Variants in LPP observed in about 807,000 individuals in gnomAD.
The protein encoded by LPP is LIM domain containing preferred translocation partner in lipoma.
Under a neutral mutation model 60.4 loss-of-function variants are expected in LPP, and 38 were observed. That is an observed-to-expected ratio of 0.63 (90% CI 0.49 to 0.83). The LOEUF is 0.83. Among genes scored for constraint, LPP ranks in the 40% least tolerant of loss-of-function variants. The pLI, the probability that LPP is intolerant of heterozygous loss-of-function variation, is 0.00. For synonymous variants in LPP, 328 were observed against 290.8 expected (o/e 1.13, Z -1.30); for missense variants, 902 against 783.6 (o/e 1.15, Z -1.80).
chr3:188,442,042 T>C (rs1232629819), intron 4 of LPP, among the ~76,000 whole-genome samples: 1 of 152,222 alleles, frequency 6.6e-6, no homozygotes. Flanking sequence ...GCCTAATGGC[T>C]GGTGGGCACT....
intron 5 of LPP, among the ~76,000 whole-genome samples, chr3:188,516,226 C>T (rs1817322683): frequency 6.6e-6 from 1 of 152,112 alleles, no homozygotes; most frequent in African/African-American, 2.4e-5. Flanking sequence ...AAAGAGGATA[C>T]ACATCCCAAT....
At chr3:188,447,644 G>A (rs1795564759) in intron 4 of LPP, among the ~76,000 whole-genome samples, 1 of 151,092 alleles carries the variant, frequency 6.6e-6, no homozygotes, top group Non-Finnish European at 1.5e-5. Flanking sequence ...AACCTGTCAT[G>A]GTGGCATGTA....
chr3:188,707,404 T>C (rs1865693580), intron 7 of LPP, among the ~76,000 whole-genome samples: 1 of 152,118 alleles, frequency 6.6e-6, no homozygotes, highest in Non-Finnish European at 1.5e-5. Context: ...CCTGCCCCCC[T>C]GCCCAACCTG....
chr3:188,742,536 A>C (rs1724814319), intron 8 of LPP, among the ~76,000 whole-genome samples: 1 of 152,122 alleles, frequency 6.6e-6, no homozygotes, highest in Non-Finnish European at 1.5e-5. Context: ...AAGGAACCAG[A>C]GCTACCTCCA....
intron 5 of LPP, among the ~76,000 whole-genome samples, chr3:188,508,016 C>G (rs1307028666): frequency 6.6e-6 from 1 of 152,106 alleles, no homozygotes; most frequent in Non-Finnish European, 1.5e-5. Flanking sequence ...ATGATTTGAT[C>G]TGTATTTAGA....
At chr3:188,825,002 A>G (rs943027674) in intron 9 of LPP, among the ~76,000 whole-genome samples, 1 of 152,172 alleles carries the variant, frequency 6.6e-6, no homozygotes, top group African/African-American at 2.4e-5. Flanking sequence ...CGTGACCAAG[A>G]GCAGCTGCAT....
At chr3:188,228,190 A>G (rs1227906785) in intron 2 of LPP, among the ~76,000 whole-genome samples, 4 of 152,196 alleles carry the variant, frequency 2.6e-5, no homozygotes, top group Admixed American at 1.3e-4. Context: ...TGTTACGGGA[A>G]TGAGACCATG....
At chr3:188,785,547 T>TATATATATATACACACACACACACAC (rs1206082559) in intron 9 of LPP, among the ~76,000 whole-genome samples, 3 of 43,838 alleles carry the variant, frequency 6.8e-5, no homozygotes, top group Non-Finnish European at 1.2e-4. Flanking sequence ...TATATATATA[T>TATATATATATACACACACACACACAC]ACACACACAC....
intron 4 of LPP, among the ~76,000 whole-genome samples, chr3:188,468,166 C>A (rs574171685): frequency 1.6e-4 from 24 of 152,106 alleles, no homozygotes; most frequent in Non-Finnish European, 1.9e-4. Flanking sequence ...ATATGCCTGG[C>A]ACTGCCCTGG....
chr3:188,280,420 C>A (rs1256479288), intron 2 of LPP, among the ~76,000 whole-genome samples: 1 of 152,086 alleles, frequency 6.6e-6, no homozygotes, highest in African/African-American at 2.4e-5. Flanking sequence ...TCATGGACCA[C>A]GAATGCCGCA....
intron 9 of LPP, among the ~76,000 whole-genome samples, chr3:188,787,417 C>G (rs566538663): frequency 6.6e-6 from 1 of 152,106 alleles, no homozygotes; most frequent in South Asian, 2.1e-4. Flanking sequence ...AGATCTCTCT[C>G]TCTTACACAC....
rs59514913 is a variant in LPP, at chr3:188,563,460, A to ATGTGTGTGTGTG, written c.429+38688_429+38699dup. Among the ~76,000 whole-genome samples, 926 of 142,008 alleles carry ATGTGTGTGTGTG rather than the reference A, an allele frequency of 6.5e-3. 6 individuals carry two copies. The highest frequency in any genetic ancestry group is 0.014 in the African/African-American group (526 of 37,614). 93.2% of individuals were successfully genotyped at this position (142,008 alleles called of 152,430 possible). ...CATTTATGTATACATTTACATATAT[A>ATGTGTGTGTGTG]TGTGTGTGTGTGTGTGTGTGTGTGT... On this transcript the variant is annotated intron_variant, in intron 6 of 11. Transcript: ENST00000617246.
intron 1 of LPP, among the ~76,000 whole-genome samples, chr3:188,170,707 C>A (rs1431412279): frequency 6.6e-6 from 1 of 152,174 alleles, no homozygotes; most frequent in Admixed American, 6.6e-5. Context: ...TCTACCACTT[C>A]CTCCAACTTA....
rs1269268787 is a variant in LPP at position 188,875,421 on chromosome 3, G to A, written c.*942G>A. On this transcript the variant is annotated 3_prime_UTR_variant, in exon 12 of 12. Transcript: ENST00000617246. ...AATATCCAACACAACTATCAAAATT[G>A]CCTTTTTCTCTAGAGGATGAAGGCT... The A allele has an allele frequency of 4.6e-6, 1 of 216,928 alleles. No homozygotes were observed. The highest frequency in any genetic ancestry group is 1.8e-4 in the South Asian group (1 of 5,412). The allele number at this position is 216,928 out of a possible 1,614,324, so 13.4% of individuals were successfully genotyped here. A position where few individuals can be genotyped will look rare whatever the true frequency, so the allele number is the denominator to read the frequency against.
chr3:188,547,234 C>G (rs1826892087), intron 6 of LPP, among the ~76,000 whole-genome samples: 1 of 152,206 alleles, frequency 6.6e-6, no homozygotes, highest in Admixed American at 6.6e-5. Context: ...TGCATTCCCT[C>G]CTTCTGTCTT....
At chr3:188,873,196 G>A (rs572157680) in intron 11 of LPP, among the ~76,000 whole-genome samples, 4 of 152,222 alleles carry the variant, frequency 2.6e-5, no homozygotes, top group East Asian at 3.9e-4. Flanking sequence ...TTTCCTGAAC[G>A]CCTCTAGAGC....
intron 6 of LPP, among the ~76,000 whole-genome samples, chr3:188,530,446 G>A (rs1326770212): frequency 6.6e-6 from 1 of 152,228 alleles, no homozygotes; most frequent in Non-Finnish European, 1.5e-5. Context: ...TGATCCTGGA[G>A]TGAATTGCAG....
intron 7 of LPP, among the ~76,000 whole-genome samples, chr3:188,620,052 G>A (rs1845525181): frequency 1.3e-5 from 2 of 151,860 alleles, no homozygotes; most frequent in African/African-American, 2.4e-5. Flanking sequence ...TTTTCTCATA[G>A]CATTTTTTCA....
chr3:188,500,690 T>C (rs1248566812), intron 5 of LPP, among the ~76,000 whole-genome samples: 1 of 152,202 alleles, frequency 6.6e-6, no homozygotes, highest in Non-Finnish European at 1.5e-5. Flanking sequence ...TTCCAGATTT[T>C]TTCTTACTCA....
Sources: allele counts gnomAD v4.1 joint callset (sites outside exome capture counted in the v4.1 genomes callset), GRCh38; gene constraint gnomAD v4.1.1; transcripts MANE v1.5; gene names NCBI Gene and HGNC (gene_info 2026-07-23, HGNC 2026-07-21).